HPCAL1: variants seen among roughly 807,000 people sequenced by gnomAD.
The protein encoded by HPCAL1 is hippocalcin like 1.
HPCAL1 carries 8 observed loss-of-function variants against 17.1 expected under a neutral mutation model. The ratio of observed to expected loss-of-function variants is 0.47; its 90% CI spans 0.27 to 0.84. The LOEUF (loss-of-function observed/expected upper bound fraction) is 0.84, where lower values mean the gene tolerates loss of function less well. Ranked by LOEUF, HPCAL1 falls within the 40% of genes least tolerant of loss-of-function variation. HPCAL1 has a pLI of 0.13. For missense variants in HPCAL1, 165 were observed against 271.1 expected, an observed-to-expected ratio of 0.61 and a Z score of 2.75; for synonymous variants, 112 against 111.4, an observed-to-expected ratio of 1.01 and a Z score of -0.03.
intron 1 of HPCAL1, among the ~76,000 whole-genome samples, chr2:10,379,014 C>G (rs1667771070): frequency 6.6e-6 from 1 of 152,036 alleles, no homozygotes; most frequent in Non-Finnish European, 1.5e-5. Flanking sequence ...AAGACAATAT[C>G]ATTCATTTCC....
At chr2:10,422,940 GC>G in intron 3 of HPCAL1, 42 bp from the exon 4 acceptor site, 3 of 1,438,234 alleles carry the variant, frequency 2.1e-6, no homozygotes, top group Non-Finnish European at 2.9e-6. Flanking sequence ...ACCCGCCCAA[GC>G]CCCCGGGCCT....
chr2:10,374,076 C>T (rs1667395217), intron 1 of HPCAL1, among the ~76,000 whole-genome samples: 1 of 152,116 alleles, frequency 6.6e-6, no homozygotes, highest in Admixed American at 6.6e-5. Flanking sequence ...CGCCTGCTTC[C>T]CCACAGGCAG....
intron 1 of HPCAL1, among the ~76,000 whole-genome samples, chr2:10,387,993 G>A (rs1351461368): frequency 6.6e-6 from 1 of 152,172 alleles, no homozygotes; most frequent in Non-Finnish European, 1.5e-5. Flanking sequence ...GTGGAGGGAG[G>A]CCTGGATGCT....
At chr2:10,417,382 A>T (rs1017426579) in intron 2 of HPCAL1, among the ~76,000 whole-genome samples, 1 of 151,944 alleles carries the variant, frequency 6.6e-6, no homozygotes, top group Non-Finnish European at 1.5e-5. Flanking sequence ...ACAAAAAAAA[A>T]AGTCCCCAGG....
At chr2:10,349,635 G>C (rs57176457) in intron 1 of HPCAL1, among the ~76,000 whole-genome samples, 55,129 of 142,126 alleles carry the variant, frequency 0.39, 10,954 homozygotes, top group South Asian at 0.61. Context: ...CCTGGGAGGC[G>C]GAGCTTGCAG....
At chr2:10,368,273 T>A (rs1219107576) in intron 1 of HPCAL1, among the ~76,000 whole-genome samples, 1 of 151,914 alleles carries the variant, frequency 6.6e-6, no homozygotes, top group East Asian at 1.9e-4. Flanking sequence ...TGTGCATGTG[T>A]GTGCATACGT....
chr2:10,386,948 A>G (rs1668353393), intron 1 of HPCAL1, among the ~76,000 whole-genome samples: 1 of 152,228 alleles, frequency 6.6e-6, no homozygotes, highest in Admixed American at 6.5e-5. Context: ...CACATGAGGC[A>G]GGGACAGTGC....
intron 1 of HPCAL1, among the ~76,000 whole-genome samples, chr2:10,314,825 G>GT (rs777252433): frequency 4.6e-5 from 7 of 152,066 alleles, no homozygotes; most frequent in South Asian, 4.2e-4. Flanking sequence ...GTTTCAAATT[G>GT]TTTTTTTTAA....
At chr2:10,326,138 C>T (rs1055773550) in intron 1 of HPCAL1, among the ~76,000 whole-genome samples, 4 of 152,184 alleles carry the variant, frequency 2.6e-5, no homozygotes, top group African/African-American at 9.6e-5. Context: ...CTGTTAGGTG[C>T]TTGGTGAACA....
chr2:10,350,081 T>A (rs1265312678), intron 1 of HPCAL1, among the ~76,000 whole-genome samples: 1 of 152,182 alleles, frequency 6.6e-6, no homozygotes, highest in Non-Finnish European at 1.5e-5. Context: ...TTTTAATTCC[T>A]CTTCTGAGGG....
rs1462252875 is a variant in HPCAL1, at chr2:10,419,249, TG to T, written c.-24-480del. 6.6e-6 allele frequency among the ~76,000 whole-genome samples: 1 copy of T among 151,832 alleles called. No homozygotes were observed. Among genetic ancestry groups the T allele is most frequent in the Non-Finnish European group, 1.5e-5 (1 of 67,946 alleles). On this transcript the variant is annotated intron_variant, in intron 2 of 4. Coordinates refer to ENST00000307845, the MANE Select transcript of HPCAL1 (RefSeq NM_002149.4). This position sits in a 1 kb window ranked among gnomAD's most constrained non-coding sequence, Gnocchi z 5.0. ...CAAATAAACAAATAAAGAAGGTGGG[TG>T]GGGGTGACTCCCTGAAAGTTTCTAG...
At chr2:10,356,678 A>G (rs1373799748) in intron 1 of HPCAL1, among the ~76,000 whole-genome samples, 1 of 152,156 alleles carries the variant, frequency 6.6e-6, no homozygotes, top group Non-Finnish European at 1.5e-5. Flanking sequence ...GCCAACAGGA[A>G]ATCACGTCCC....
At chr2:10,349,123 G>A (rs1665662267) in intron 1 of HPCAL1, among the ~76,000 whole-genome samples, 2 of 152,138 alleles carry the variant, frequency 1.3e-5, no homozygotes, top group African/African-American at 2.4e-5. Context: ...TGCTGGCCAC[G>A]GCAGTGCAGC....
chr2:10,342,044 C>T lies in HPCAL1; in HGVS notation c.-111+38867C>T, dbSNP rs898225710. Among the ~76,000 whole-genome samples, 5 of 150,632 alleles carry T rather than the reference C, an allele frequency of 3.3e-5. No homozygotes were observed. The highest frequency in any genetic ancestry group is 1.2e-4 in the African/African-American group (5 of 40,878). ...TAGCCAGATGTGGTGGTGGTGTGCTCCTGTAGTCCCAGCTACTTGGGAGGC... is the reference window on the plus strand; with the variant it reads ...TAGCCAGATGTGGTGGTGGTGTGCTTCTGTAGTCCCAGCTACTTGGGAGGC... On this transcript the variant is annotated intron_variant, in intron 1 of 4. Coordinates refer to ENST00000307845, the MANE Select transcript of HPCAL1 (RefSeq NM_002149.4). This position sits in a 1 kb window ranked among gnomAD's most constrained non-coding sequence, Gnocchi z 4.1.
At chr2:10,346,412 G>A (rs1055345345) in intron 1 of HPCAL1, among the ~76,000 whole-genome samples, 7 of 152,216 alleles carry the variant, frequency 4.6e-5, no homozygotes, top group Non-Finnish European at 8.8e-5. Flanking sequence ...TGGGGGAGGT[G>A]CTCCCTCATC....
chr2:10,372,993 G>C (rs1407699504), intron 1 of HPCAL1, among the ~76,000 whole-genome samples: 1 of 152,238 alleles, frequency 6.6e-6, no homozygotes, highest in Non-Finnish European at 1.5e-5. Flanking sequence ...CCAAGAGAGG[G>C]AGCCTCACAC....
chr2:10,350,216 C>T (rs1470205238), intron 1 of HPCAL1, among the ~76,000 whole-genome samples: 1 of 152,060 alleles, frequency 6.6e-6, no homozygotes, highest in Admixed American at 6.5e-5. Context: ...CCCACATGCT[C>T]TATGCACCCA....
At chr2:10,393,807 C>T (rs1668845427) in intron 1 of HPCAL1, among the ~76,000 whole-genome samples, 1 of 152,126 alleles carries the variant, frequency 6.6e-6, no homozygotes. Flanking sequence ...CACTGCATTC[C>T]ATGGCCTTTT....
intron 1 of HPCAL1, among the ~76,000 whole-genome samples, chr2:10,320,000 A>C (rs574388809): frequency 6.6e-6 from 1 of 151,964 alleles, no homozygotes; most frequent in African/African-American, 2.4e-5. Flanking sequence ...CTTCTTGCCA[A>C]CCTGCCTGCC....
Sources: allele counts gnomAD v4.1 joint callset (sites outside exome capture counted in the v4.1 genomes callset), GRCh38; gene constraint gnomAD v4.1.1; non-coding constraint Gnocchi (gnomAD v3.1); transcripts MANE v1.5; gene names NCBI Gene and HGNC (gene_info 2026-07-23, HGNC 2026-07-21).